ACTR3C: variants seen among roughly 807,000 people sequenced by gnomAD.
ACTR3C encodes the protein actin-related protein 3C.
ACTR3C carries 18 observed loss-of-function variants against 26.3 expected under a neutral mutation model. That is an observed-to-expected ratio of 0.68 (90% CI 0.47 to 1.01). The LOEUF (loss-of-function observed/expected upper bound fraction) is 1.01, where lower values mean the gene tolerates loss of function less well. Among genes scored for constraint, ACTR3C ranks in the 50% least tolerant of loss-of-function variants. The pLI, the probability that ACTR3C is intolerant of heterozygous loss-of-function variation, is 0.00. For missense variants in ACTR3C, 184 were observed against 250.7 expected, an observed-to-expected ratio of 0.73 and a Z score of 1.80; for synonymous variants, 55 against 94.5, an observed-to-expected ratio of 0.58 and a Z score of 2.42.
the ACTR3C span, among the ~76,000 whole-genome samples, chr7:150,180,606 G>T: frequency 6.8e-6 from 1 of 146,378 alleles, no homozygotes; most frequent in African/African-American, 2.7e-5. Flanking sequence ...TCCGCCTCCC[G>T]GGTTCACGCC....
chr7:150,276,118 G>A (rs1212435124), intron 6 of ACTR3C, among the ~76,000 whole-genome samples: 5 of 152,048 alleles, frequency 3.3e-5, no homozygotes, highest in Non-Finnish European at 7.4e-5. Context: ...CATTATAAAC[G>A]CCACACGTAA....
the ACTR3C span, among the ~76,000 whole-genome samples, chr7:149,964,578 T>C: frequency 6.6e-6 from 1 of 152,208 alleles, no homozygotes; most frequent in Non-Finnish European, 1.5e-5. Context: ...AAGTGGCCCA[T>C]GGCAGGTGCC....
chr7:149,996,601 A>AT, the ACTR3C span, among the ~76,000 whole-genome samples: 14 of 149,268 alleles, frequency 9.4e-5, no homozygotes, highest in Non-Finnish European at 1.2e-4. Flanking sequence ...AAATAAATAA[A>AT]AAATAAAACT....
chr7:150,166,091 G>A, the ACTR3C span, among the ~76,000 whole-genome samples: 3 of 151,608 alleles, frequency 2.0e-5, no homozygotes, highest in South Asian at 2.1e-4. Flanking sequence ...TTAGATAAGC[G>A]CACACAGGGC....
At chr7:149,996,585 AT>A in the ACTR3C span, among the ~76,000 whole-genome samples, 1 of 146,768 alleles carries the variant, frequency 6.8e-6, no homozygotes, top group Non-Finnish European at 1.5e-5. Context: ...TGGTAAAAAA[AT>A]AAATAAATAA....
the ACTR3C span, among the ~76,000 whole-genome samples, chr7:149,963,890 T>G: frequency 6.6e-6 from 1 of 152,260 alleles, no homozygotes; most frequent in Non-Finnish European, 1.5e-5. Context: ...TTTTTTGGAA[T>G]GTTTATGTAT....
chr7:149,924,416 C>A, the ACTR3C span, among the ~76,000 whole-genome samples: 10 of 152,060 alleles, frequency 6.6e-5, no homozygotes, highest in Middle Eastern at 3.2e-3. Context: ...CCCTCTTAGA[C>A]CACAATAAGT....
At chr7:150,147,473 A>T in the ACTR3C span, among the ~76,000 whole-genome samples, 1 of 152,242 alleles carries the variant, frequency 6.6e-6, no homozygotes, top group Admixed American at 6.5e-5. Flanking sequence ...ATATGCATAT[A>T]TAATTTACCA....
At chr7:150,282,494 C>G (rs1406157060) in intron 6 of ACTR3C, among the ~76,000 whole-genome samples, 7 of 144,266 alleles carry the variant, frequency 4.9e-5, no homozygotes, top group African/African-American at 2.0e-4. Context: ...TGGCCAGCCC[C>G]AGGACATTCA....
the ACTR3C span, among the ~76,000 whole-genome samples, chr7:150,015,370 G>A: frequency 2.6e-5 from 4 of 152,266 alleles, no homozygotes; most frequent in East Asian, 3.9e-4. Context: ...GTAGGGAGAC[G>A]TCCCCAAGAA....
At chr7:150,220,275 G>C in the ACTR3C span, among the ~76,000 whole-genome samples, 1 of 147,362 alleles carries the variant, frequency 6.8e-6, no homozygotes, top group African/African-American at 2.7e-5. Flanking sequence ...GATACCTGAC[G>C]CTATTGGAGA....
the ACTR3C span, among the ~76,000 whole-genome samples, chr7:149,938,339 T>G: frequency 6.6e-6 from 1 of 152,048 alleles, no homozygotes; most frequent in Non-Finnish European, 1.5e-5. Context: ...AATTACAAAA[T>G]AGAGAAAATG....
At chr7:150,277,091 C>T (rs556062941) in intron 6 of ACTR3C, among the ~76,000 whole-genome samples, 6 of 152,244 alleles carry the variant, frequency 3.9e-5, no homozygotes, top group African/African-American at 1.2e-4. Flanking sequence ...TTCATTTCCC[C>T]GAGAAGGAAT....
chr7:149,957,929 T>G, the ACTR3C span, among the ~76,000 whole-genome samples: 11,680 of 152,048 alleles, frequency 0.077, 1,332 homozygotes, highest in African/African-American at 0.25. Flanking sequence ...AATTCAGGTT[T>G]CCACTGTGTG....
intron 1 of ACTR3C, among the ~76,000 whole-genome samples, chr7:150,309,547 T>C (rs1246158513): frequency 6.6e-6 from 1 of 152,214 alleles, no homozygotes; most frequent in Non-Finnish European, 1.5e-5. Flanking sequence ...CAGCCATGCC[T>C]TCAGCACACA....
intron 3 of ACTR3C, among the ~76,000 whole-genome samples, chr7:150,291,830 C>T (rs2429332): frequency 2.0e-5 from 3 of 151,310 alleles, no homozygotes; most frequent in Non-Finnish European, 4.4e-5. Context: ...CAAGATCCAC[C>T]GAAAGGAGTG....
the ACTR3C span, among the ~76,000 whole-genome samples, chr7:149,936,166 C>T: frequency 6.6e-6 from 1 of 152,084 alleles, no homozygotes; most frequent in South Asian, 2.1e-4. Context: ...TTTTCAAGTC[C>T]CCCATCTCTG....
the ACTR3C span, among the ~76,000 whole-genome samples, chr7:150,236,997 G>C: frequency 1.3e-5 from 2 of 151,560 alleles, no homozygotes; most frequent in African/African-American, 4.9e-5. Flanking sequence ...GTAACTCTTT[G>C]GCAGGAGGCT....
the ACTR3C span, among the ~76,000 whole-genome samples, chr7:149,939,679 G>A: frequency 2.0e-5 from 3 of 149,864 alleles, no homozygotes; most frequent in East Asian, 2.0e-4. Flanking sequence ...TACCTCACTG[G>A]GTTATCACTA....
Sources: allele counts gnomAD v4.1 joint callset (sites outside exome capture counted in the v4.1 genomes callset), GRCh38; gene constraint gnomAD v4.1.1; transcripts MANE v1.5; gene names NCBI Gene and HGNC (gene_info 2026-07-23, HGNC 2026-07-21).